Variants in TOGARAM1 observed in about 807,000 individuals in gnomAD.
The protein encoded by TOGARAM1 is TOG array regulator of axonemal microtubules 1.
Under a neutral mutation model 166.6 loss-of-function variants are expected in TOGARAM1, and 100 were observed. That is an observed-to-expected ratio of 0.60 (90% CI 0.51 to 0.71). The LOEUF is 0.71. Among genes scored for constraint, TOGARAM1 ranks in the 30% least tolerant of loss-of-function variants. The pLI is 0.00. For missense variants in TOGARAM1, 2,029 were observed against 2,102.7 expected, an observed-to-expected ratio of 0.96 and a Z score of 0.69; for synonymous variants, 758 against 763.8, an observed-to-expected ratio of 0.99 and a Z score of 0.13.
In TOGARAM1 at chr14:44,977,487, T is replaced by C. The variant is rs564963057; in HGVS notation, c.2046+13020T>C. Among the ~76,000 whole-genome samples, 123 of 152,120 alleles carry C rather than the reference T, an allele frequency of 8.1e-4. 1 individual carries two copies. The highest frequency in any genetic ancestry group is 2.8e-3 in the African/African-American group (116 of 41,510). On this transcript the variant is annotated intron_variant, in intron 1 of 19. Coordinates refer to ENST00000361462, the MANE Select transcript of TOGARAM1 (RefSeq NM_001308120.2). ...TCCTGACCTCATGATCTGCCCGCCT[T>C]GGCCACCCAAAGTGCTGGGATTACA... is the stretch of plus-strand genomic sequence containing the variant.
rs775510512 is a variant in TOGARAM1, at chr14:44,964,392, T to A, written c.1971T>A (p.Asn657Lys). ...TATTAAGTGCAGGAAAAGGAAAAAA[T>A]AAATTACCATGGGAAAATGAGCAAC... Reference protein sequence around the residue: ...RRVLSAGKGKNKLPWENEQPG... With the variant: ...RRVLSAGKGKKKLPWENEQPG... The change falls in exon 1 of 20, where the codon AAT becomes AAA. Residue 657 changes from asparagine (N) to lysine (K), a missense_variant. This residue lies in a region of TOGARAM1 where 1,453 missense variants were observed against 1,432.2 expected (regional missense o/e 1.01). Transcript: ENST00000361462. 1.2e-6 allele frequency: 2 copies of A among 1,612,848 alleles called. No individual in the cohort carries two copies. Among genetic ancestry groups the A allele is most frequent in the Non-Finnish European group, 1.7e-6 (2 of 1,179,492 alleles).
intron 1 of TOGARAM1, among the ~76,000 whole-genome samples, chr14:44,975,352 T>A (rs1430859913): frequency 1.6e-4 from 24 of 152,184 alleles, no homozygotes; most frequent in Admixed American, 1.6e-3. Context: ...AGTTAATAGA[T>A]TGTATTAGTT....
Position 45,066,654 on chromosome 14 carries a change from C to G in TOGARAM1, c.4636C>G (p.Leu1546Val). 6.2e-7 allele frequency: 1 copy of G among 1,613,916 alleles called. No homozygotes were observed. The highest frequency in any genetic ancestry group is 8.5e-7 in the Non-Finnish European group (1 of 1,179,832). Residue 1546 changes from leucine (L) to valine (V), a missense_variant, in exon 17 of 20, where the codon CTC (leucine) becomes GTC (valine). Leu to Val is a conservative substitution (Grantham distance 32, BLOSUM62 1). Coordinates refer to ENST00000361462, the MANE Select transcript of TOGARAM1 (RefSeq NM_001308120.2). ...NSLESAEYLKLITGLLNAKDF... is the reference protein window; with the variant it reads ...NSLESAEYLKVITGLLNAKDF... ...CTTAGAAAGTGCTGAGTACCTTAAA[C>G]TCATAACTGGCTTATTAAATGCAAA...
intron 7 of TOGARAM1, among the ~76,000 whole-genome samples, chr14:45,015,875 G>C (rs1001244177): frequency 1.3e-5 from 2 of 151,890 alleles, no homozygotes; most frequent in Non-Finnish European, 2.9e-5. Context: ...TAAATTTCAT[G>C]GTGAGTTAAC....
rs1880919546 is a variant in TOGARAM1 at position 45,027,458 on chromosome 14, T to C, written c.3488T>C (p.Val1163Ala). Reference sequence around the variant, plus strand: ...CAAAATATTTCATCATATCTTGATGTTGAGAATGAAAAAGATGTAAGGTTA... The same window carrying C: ...CAAAATATTTCATCATATCTTGATGCTGAGAATGAAAAAGATGTAAGGTTA... ...VQQNISSYLD[V>A]ENEKDAKVSI... is the part of the protein sequence containing the mutation. The change falls in exon 9 of 20, where the codon GTT becomes GCT. Residue 1163 changes from valine to alanine, a missense_variant. By Grantham distance (64) the Val-to-Ala change is moderately conservative (BLOSUM62 0). This residue lies in a region of TOGARAM1 where 1,453 missense variants were observed against 1,432.2 expected (regional missense o/e 1.01). Coordinates refer to ENST00000361462, the MANE Select transcript of TOGARAM1 (RefSeq NM_001308120.2). 1 of 1,603,686 alleles carries C rather than the reference T, an allele frequency of 6.2e-7. No homozygotes were observed. The highest frequency in any genetic ancestry group is 1.3e-5 in the African/African-American group (1 of 74,506).
chr14:45,021,352 G>A (rs1321894189), intron 7 of TOGARAM1, among the ~76,000 whole-genome samples: 2 of 152,132 alleles, frequency 1.3e-5, no homozygotes, highest in Non-Finnish European at 2.9e-5. Flanking sequence ...CTATATGATG[G>A]GGCATCAATA....
At position 44,976,602 on chromosome 14, in the gene TOGARAM1, G is replaced by T. The variant is rs538615623; in HGVS notation, c.2046+12135G>T. On this transcript the variant is annotated intron_variant, in intron 1 of 19. Coordinates refer to ENST00000361462, the MANE Select transcript of TOGARAM1 (RefSeq NM_001308120.2). Reference sequence around the variant, plus strand: ...GTTCAGTGAATTAAAGTTATCTCAAGTGTAGATCATTTATTTAATCAACCT... The same window carrying T: ...GTTCAGTGAATTAAAGTTATCTCAATTGTAGATCATTTATTTAATCAACCT... 1.2e-4 allele frequency among the ~76,000 whole-genome samples: 19 copies of T among 152,094 alleles called. 3 individuals are homozygous for T. The highest frequency in any genetic ancestry group is 3.9e-4 in the African/African-American group (16 of 41,442).
intron 2 of TOGARAM1, 173 bp downstream of exon 2, chr14:44,996,075 T>G (rs1887397350): frequency 2.2e-6 from 1 of 454,976 alleles, no homozygotes; most frequent in East Asian, 3.7e-5. Flanking sequence ...CATAAAACCC[T>G]GGAGGGTTTC....
chr14:45,002,041 CTTAT>C (rs1452087352), intron 3 of TOGARAM1, among the ~76,000 whole-genome samples: 2 of 151,978 alleles, frequency 1.3e-5, no homozygotes, highest in African/African-American at 4.8e-5. Flanking sequence ...TAGGGATATA[CTTAT>C]TTATTTATGA....
chr14:44,996,354 C>G (rs1887412481), intron 2 of TOGARAM1: 1 of 152,258 alleles, frequency 6.6e-6, no homozygotes, highest in Non-Finnish European at 1.5e-5. Flanking sequence ...TAAATAGTTT[C>G]AGGAAGAGGG....
chr14:44,982,499 G>A (rs535312653), intron 1 of TOGARAM1, among the ~76,000 whole-genome samples: 4 of 152,136 alleles, frequency 2.6e-5, no homozygotes, highest in Non-Finnish European at 4.4e-5. Context: ...CAGTAACCTA[G>A]ACTAAAAAGT....
chr14:44,999,646 G>C, intron 3 of TOGARAM1, 149 bp downstream of exon 3: 1 of 632,480 alleles, frequency 1.6e-6, no homozygotes, highest in South Asian at 4.3e-5. Flanking sequence ...TTTCATAATT[G>C]TTACCCTAAA....
At position 45,006,124 on chromosome 14, in the gene TOGARAM1, AGCCTTTT is replaced by A. The variant is rs1159343095; in HGVS notation, c.2766_2772del (p.Leu923IlefsTer5). The A allele has an allele frequency of 4.3e-6, 7 of 1,614,042 alleles. No homozygotes were observed. The highest frequency in any genetic ancestry group is 5.9e-6 in the Non-Finnish European group (7 of 1,180,012). ...TGTTCCTCCCATACCAAGGGGAATAAGCCTTTTGCCTGATAAAGCTGATTTAAGCACA... is the reference window on the plus strand; with the variant it reads ...TGTTCCTCCCATACCAAGGGGAATAAGCCTGATAAAGCTGATTTAAGCACA... On this transcript the variant is annotated frameshift_variant, in exon 5 of 20. Transcript: ENST00000361462. LOFTEE classifies it high-confidence loss of function.
chr14:44,996,930 C>G (rs1887440507), intron 2 of TOGARAM1: 1 of 152,294 alleles, frequency 6.6e-6, no homozygotes, highest in Admixed American at 6.5e-5. Flanking sequence ...TCACCTCCCA[C>G]CAGGCCTCAC....
Position 44,984,678 on chromosome 14 carries a change from C to T in TOGARAM1, c.2047-11068C>T, listed in dbSNP as rs553707476. On this transcript the variant is annotated intron_variant, in intron 1 of 19. Transcript: ENST00000361462. ...TAGTCCCAGCTGCTTGGGAAGCTGA[C>T]GTAGAAGGATCGATAGAGCCCAGGA... 4.6e-5 allele frequency among the ~76,000 whole-genome samples: 7 copies of T among 151,314 alleles called. No individual in the cohort carries two copies. The East Asian group carries it at 5.8e-4, about 13-fold the overall frequency.
chr14:44,982,553 A>G (rs1270403810), intron 1 of TOGARAM1, among the ~76,000 whole-genome samples: 2 of 152,186 alleles, frequency 1.3e-5, no homozygotes, highest in Admixed American at 6.5e-5. Context: ...CGAGGTCTGT[A>G]GTTTTTTCAA....
chr14:44,982,883 G>C (rs1043684811), intron 1 of TOGARAM1, among the ~76,000 whole-genome samples: 2 of 151,996 alleles, frequency 1.3e-5, no homozygotes, highest in Non-Finnish European at 2.9e-5. Context: ...TGTTTAATTA[G>C]TTTTTGTTTT....
In TOGARAM1 at chr14:45,023,533, G is replaced by A. The variant is rs1209692378; in HGVS notation, c.3239-2250G>A. Among the ~76,000 whole-genome samples, 7 of 152,078 alleles carry A rather than the reference G, an allele frequency of 4.6e-5. No individual in the cohort carries two copies. In the South Asian group the frequency reaches 6.2e-4, roughly 14 times the overall value. On this transcript the variant is annotated intron_variant, in intron 7 of 19. Transcript: ENST00000361462. The stretch of plus-strand genomic sequence containing the variant: ...AAGACTGCTACTGCCACCACTACCC[G>A]TAAACAATGAGGCCAACCCTTTGCC...
At chr14:45,044,905 C>CA in intron 13 of TOGARAM1, 35 bp downstream of exon 13, 2 of 1,495,618 alleles carry the variant, frequency 1.3e-6, no homozygotes, top group Non-Finnish European at 1.8e-6. Flanking sequence ...TGTCTTTAAA[C>CA]AAAAAATGAA....
Sources: gnomAD v4.1 joint callset for allele counts (sites outside exome capture counted in the v4.1 genomes callset) on GRCh38, gnomAD v4.1.1 for gene constraint, gnomAD v4.1.1 regional missense constraint, MANE v1.5 for transcripts, NCBI Gene and HGNC (gene_info 2026-07-23, HGNC 2026-07-21) for gene names.